PRPF39: variants seen among roughly 807,000 people sequenced by gnomAD.
The protein encoded by PRPF39 is pre-mRNA-processing factor 39.
PRPF39 carries 27 observed loss-of-function variants against 82.1 expected under a neutral mutation model. The ratio of observed to expected loss-of-function variants is 0.33; its 90% CI spans 0.24 to 0.45. PRPF39 has a LOEUF of 0.45. Among genes scored for constraint, PRPF39 ranks in the 20% least tolerant of loss-of-function variants. The pLI, the probability that PRPF39 is intolerant of heterozygous loss-of-function variation, is 1.00. For synonymous variants in PRPF39, 261 were observed against 256.4 expected (o/e 1.02, Z -0.17); for missense variants, 581 against 796.9 (o/e 0.73, Z 3.26).
At chr14:45,093,061 G>A (rs762104047) in intron 1 of PRPF39, among the ~76,000 whole-genome samples, 1 of 152,094 alleles carries the variant, frequency 6.6e-6, no homozygotes, top group Non-Finnish European at 1.5e-5. Flanking sequence ...AACACCAGCT[G>A]CCAGTTTTGT....
intron 1 of PRPF39, among the ~76,000 whole-genome samples, chr14:45,086,800 A>G (rs1242481820): frequency 6.6e-6 from 1 of 150,566 alleles, no homozygotes; most frequent in Non-Finnish European, 1.5e-5. Context: ...CAGGAAATTT[A>G]ATATTCGAGT....
At chr14:45,101,662 C>T (rs1311706882) in intron 4 of PRPF39, among the ~76,000 whole-genome samples, 13 of 151,958 alleles carry the variant, frequency 8.6e-5, no homozygotes, top group African/African-American at 2.7e-4. Flanking sequence ...GATGGGGTTT[C>T]GCCGTGTTGG....
intron 7 of PRPF39, 95 bp downstream of exon 7, chr14:45,108,617 T>C (rs1162544827): frequency 1.4e-6 from 2 of 1,403,658 alleles, no homozygotes; most frequent in Non-Finnish European, 1.9e-6. Flanking sequence ...GTTGTAACTT[T>C]ATTTTTGCAT....
intron 5 of PRPF39, among the ~76,000 whole-genome samples, chr14:45,103,100 T>C (rs2139054299): frequency 6.6e-6 from 1 of 152,284 alleles, no homozygotes; most frequent in South Asian, 2.1e-4. Context: ...TAAATATACA[T>C]TATTGTGATT....
In PRPF39 at chr14:45,115,094, G is replaced by A. The variant is rs1884799599; in HGVS notation, c.*181G>A. 2.5e-6 allele frequency: 1 copy of A among 406,056 alleles called. No individual in the cohort carries two copies. Among genetic ancestry groups the A allele is most frequent in the Non-Finnish European group, 4.5e-6 (1 of 224,494 alleles). The allele number at this position is 406,056 out of a possible 1,614,324, so 25.2% of individuals were successfully genotyped here. A position where few individuals can be genotyped will look rare whatever the true frequency, so the allele number is the denominator to read the frequency against. On this transcript the variant is annotated 3_prime_UTR_variant, in exon 14 of 14. Transcript: ENST00000355765. ...CAATTAGTAGCTTACCACAGATACT[G>A]TTTCCTACCATTTATAAAATTTACT...
At chr14:45,098,542 C>T (rs569372394) in intron 4 of PRPF39, among the ~76,000 whole-genome samples, 1 of 151,316 alleles carries the variant, frequency 6.6e-6, no homozygotes, top group African/African-American at 2.4e-5. Context: ...TTTAATTGCT[C>T]CTCCCCTGCC....
intron 1 of PRPF39, among the ~76,000 whole-genome samples, chr14:45,089,764 T>C (rs1196499105): frequency 2.0e-5 from 3 of 152,242 alleles, no homozygotes; most frequent in South Asian, 2.1e-4. Flanking sequence ...ATGTTGCTAG[T>C]TGAAAATTAT....
At chr14:45,107,774 C>T (rs1271577233) in intron 6 of PRPF39, among the ~76,000 whole-genome samples, 158 bp downstream of exon 6, 1 of 152,088 alleles carries the variant, frequency 6.6e-6, no homozygotes, top group African/African-American at 2.4e-5. Flanking sequence ...ACTAAACATA[C>T]AAAAATTAGC....
At position 45,099,454 on chromosome 14, in the gene PRPF39, T is replaced by A. The variant is rs187733996; in HGVS notation, c.569+2449T>A. ...CATCTTCCATCAGATTATTATTATT[T>A]TTTTTTTTGAGACAGAGTCTCCCTC... On this transcript the variant is annotated intron_variant, in intron 4 of 13. Coordinates refer to ENST00000355765, the MANE Select transcript of PRPF39 (RefSeq NM_017922.4). Among the ~76,000 whole-genome samples, 189 of 152,142 alleles carry A rather than the reference T, an allele frequency of 1.2e-3. 1 individual carries two copies. The Middle Eastern group carries it at 0.017, about 14-fold the overall frequency.
chr14:45,110,041 T>G lies in PRPF39; in HGVS notation c.1177-53T>G. 6.2e-7 allele frequency: 1 copy of G among 1,603,814 alleles called. No homozygotes were observed. The highest frequency in any genetic ancestry group is 8.5e-7 in the Non-Finnish European group (1 of 1,173,752). Reference sequence around the variant, plus strand: ...GAATTTTATCGTTCTGTCACAAATTTAATGGCTTGTTCAACTGTAAATTAT... The same window carrying G: ...GAATTTTATCGTTCTGTCACAAATTGAATGGCTTGTTCAACTGTAAATTAT... On this transcript the variant is annotated intron_variant, in intron 8 of 13. Coordinates refer to ENST00000355765, the MANE Select transcript of PRPF39 (RefSeq NM_017922.4). This position sits in a 1 kb window ranked among gnomAD's most constrained non-coding sequence, Gnocchi z 4.0.
Position 45,110,633 on chromosome 14 carries a change from G to A in PRPF39, c.1388G>A (p.Ser463Asn). The change falls in exon 10 of 14, where the codon AGT (serine) becomes AAT (asparagine). Residue 463 changes from serine to asparagine, a missense_variant. Coordinates refer to ENST00000355765, the MANE Select transcript of PRPF39 (RefSeq NM_017922.4). The surrounding 1 kb of genome is among the most constrained non-coding windows in gnomAD (Gnocchi z 4.0). ...GLAMVRLRRVSLERRHGNLEE... is the reference protein window; with the variant it reads ...GLAMVRLRRVNLERRHGNLEE... ...GCAATGGTTCGTTTACGAAGAGTAA[G>A]TTTAGAACGACGGCATGGAAATCTG... 1 of 1,575,550 alleles carries A rather than the reference G, an allele frequency of 6.3e-7. No homozygotes were observed. The highest frequency in any genetic ancestry group is 1.2e-5 in the South Asian group (1 of 85,942).
chr14:45,108,624 G>T (rs1265602257), intron 7 of PRPF39, 102 bp downstream of exon 7: 16 of 1,375,012 alleles, frequency 1.2e-5, no homozygotes, highest in Non-Finnish European at 1.4e-5. Flanking sequence ...CTTTATTTTT[G>T]CATATTTAAG....
At chr14:45,106,308 G>A (rs771136544) in intron 5 of PRPF39, among the ~76,000 whole-genome samples, 14 of 152,004 alleles carry the variant, frequency 9.2e-5, no homozygotes, top group Non-Finnish European at 1.6e-4. Flanking sequence ...AAGATAGAAC[G>A]ATTGCACTCT....
chr14:45,108,509 C>G lies in PRPF39; in HGVS notation c.998C>G (p.Thr333Arg). 3 of 1,595,226 alleles carry G rather than the reference C, an allele frequency of 1.9e-6. No homozygotes were observed. The highest frequency in any genetic ancestry group is 2.6e-6 in the Non-Finnish European group (3 of 1,174,630). The change falls in exon 7 of 14, where the codon ACA becomes AGA. Residue 333 changes from threonine (T) to arginine (R), a missense_variant. Thr to Arg is a moderately conservative substitution (Grantham distance 71). Coordinates refer to ENST00000355765, the MANE Select transcript of PRPF39 (RefSeq NM_017922.4). Reference sequence around the variant, plus strand: ...GAGCATGAAGTTAGTAAAAGGTGGACATTTGAAGAAGGTGTAAGTGTTTTT... The same window carrying G: ...GAGCATGAAGTTAGTAAAAGGTGGAGATTTGAAGAAGGTGTAAGTGTTTTT... Reference protein sequence around the residue: ...YNEHEVSKRWTFEEGIKRPYF... With the variant: ...YNEHEVSKRWRFEEGIKRPYF...
chr14:45,112,882 A>G (rs1053184610), intron 11 of PRPF39, among the ~76,000 whole-genome samples: 3 of 152,180 alleles, frequency 2.0e-5, no homozygotes, highest in African/African-American at 7.2e-5. Flanking sequence ...TAGGAGTGCT[A>G]TTTTCTGAGA....
chr14:45,100,802 T>C (rs1884351866), intron 4 of PRPF39, among the ~76,000 whole-genome samples: 1 of 152,138 alleles, frequency 6.6e-6, no homozygotes, highest in Non-Finnish European at 1.5e-5. Context: ...TCATATGGAG[T>C]TTTATTTTTC....
rs1051926463 is a variant in PRPF39, at chr14:45,095,724, T to G, written c.324+161T>G. 1.5e-4 allele frequency: 142 copies of G among 965,350 alleles called. 1 individual carries two copies. The Middle Eastern group carries it at 1.7e-3, about 11-fold the overall frequency. The allele number at this position is 965,350 out of a possible 1,614,324, so 59.8% of individuals were successfully genotyped here. On this transcript the variant is annotated intron_variant, in intron 2 of 13. Coordinates refer to ENST00000355765, the MANE Select transcript of PRPF39 (RefSeq NM_017922.4). ...TACATTTTTAGCTTTGAAAATAGCT[T>G]ACAGCTTTTGTATGTTGTAGAGAGT...
At chr14:45,114,801 C>A (rs1210003337) in intron 13 of PRPF39, 56 bp from the exon 14 acceptor site, 2 of 1,460,730 alleles carry the variant, frequency 1.4e-6, no homozygotes, top group Non-Finnish European at 1.9e-6. Context: ...TATACTTTTA[C>A]ATATGGAACT....
At position 45,096,152 on chromosome 14, in the gene PRPF39, A is replaced by C; in HGVS notation, c.374A>C (p.Tyr125Ser). ...GCATTTGACAGATTTTTCATACACTATCCGTATTGCTATGGTTACTGGAAA... is the reference window on the plus strand; with the variant it reads ...GCATTTGACAGATTTTTCATACACTCTCCGTATTGCTATGGTTACTGGAAA... ...RKAFDRFFIH[Y>S]PYCYGYWKKY... The change falls in exon 3 of 14, where the codon TAT becomes TCT. Residue 125 changes from tyrosine (Y) to serine (S), a missense_variant. By Grantham distance (144) the Tyr-to-Ser change is moderately radical. Transcript: ENST00000355765. 1.9e-6 allele frequency: 3 copies of C among 1,587,560 alleles called. No individual in the cohort carries two copies. The highest frequency in any genetic ancestry group is 2.6e-6 in the Non-Finnish European group (3 of 1,165,654).
Sources: gnomAD v4.1 joint callset for allele counts (sites outside exome capture counted in the v4.1 genomes callset) on GRCh38, gnomAD v4.1.1 for gene constraint, Gnocchi (gnomAD v3.1) non-coding constraint, MANE v1.5 for transcripts, NCBI Gene and HGNC (gene_info 2026-07-23, HGNC 2026-07-21) for gene names.